Variants in HIVEP3 observed in about 807,000 individuals in gnomAD.
HIVEP3 encodes the protein HIVEP zinc finger 3.
In HIVEP3, 49 loss-of-function variants were observed where a neutral mutation model predicts 152.8. The observed-to-expected ratio is 0.32, with a 90% CI of 0.26 to 0.41. HIVEP3 has a LOEUF of 0.41. Ranked by LOEUF, HIVEP3 falls within the 10% of genes least tolerant of loss-of-function variation. The pLI is 1.00. For synonymous variants in HIVEP3, 1,269 were observed against 1,289.0 expected, an observed-to-expected ratio of 0.98 and a Z score of 0.33; for missense variants, 2,790 against 3,103.3, an observed-to-expected ratio of 0.90 and a Z score of 2.40.
chr1:41,547,337 C>A lies in HIVEP3; in HGVS notation c.5208-22427G>T, dbSNP rs373828271. On this transcript the variant is annotated intron_variant, in intron 5 of 8. Transcript: ENST00000372583. ...AAAAGTCAAGCTAAGGGAAAATAAT[C>A]AGTCGGTCTTGGGGTTTGGAAGGAT... 1.2e-4 allele frequency among the ~76,000 whole-genome samples: 18 copies of A among 152,258 alleles called. No individual in the cohort carries two copies. The East Asian group carries it at 3.1e-3, about 26-fold the overall frequency.
At chr1:41,851,501 C>T (rs1643599816) in intron 1 of HIVEP3, among the ~76,000 whole-genome samples, 1 of 151,904 alleles carries the variant, frequency 6.6e-6, no homozygotes, top group African/African-American at 2.4e-5. Context: ...CAAGGTTTCA[C>T]CATGTTAGCC....
chr1:41,884,075 C>T (rs754116047), intron 1 of HIVEP3, among the ~76,000 whole-genome samples: 7 of 152,152 alleles, frequency 4.6e-5, no homozygotes, highest in Non-Finnish European at 8.8e-5. Flanking sequence ...AGGTGATTCT[C>T]GTGCCTCAGC....
intron 6 of HIVEP3, among the ~76,000 whole-genome samples, chr1:41,524,191 G>T (rs1642837167): frequency 6.6e-6 from 1 of 152,196 alleles, no homozygotes; most frequent in Non-Finnish European, 1.5e-5. Context: ...TGGGGGGCTG[G>T]CCCTGTGCTG....
intron 1 of HIVEP3, among the ~76,000 whole-genome samples, chr1:41,985,328 T>C (rs1645315981): frequency 6.6e-6 from 1 of 152,186 alleles, no homozygotes; most frequent in African/African-American, 2.4e-5. Flanking sequence ...CAGGCTGCTA[T>C]AACAAATTGC....
At chr1:41,526,462 AC>A (rs1248608727) in intron 5 of HIVEP3, among the ~76,000 whole-genome samples, 2 of 87,336 alleles carry the variant, frequency 2.3e-5, no homozygotes, top group African/African-American at 4.7e-5. Flanking sequence ...ACATGCTCAC[AC>A]CCCCACACTC....
intron 3 of HIVEP3, among the ~76,000 whole-genome samples, chr1:41,601,003 T>C (rs1042510198): frequency 2.0e-5 from 3 of 152,184 alleles, no homozygotes; most frequent in Non-Finnish European, 4.4e-5. Flanking sequence ...GCACCATTTA[T>C]TGAAGAGACT....
intron 5 of HIVEP3, chr1:41,535,844 A>G (rs1643385138): frequency 6.6e-6 from 1 of 151,382 alleles, no homozygotes; most frequent in Non-Finnish European, 1.5e-5. Flanking sequence ...CAAGGACTGG[A>G]CCCCAGATCT....
rs75551229 is a variant in HIVEP3 at position 41,849,712 on chromosome 1, T to C, written c.-801+68701A>G. On this transcript the variant is annotated intron_variant, in intron 1 of 8. Transcript: ENST00000372583. ...GACCCAAATCTTTTTTTTTTTTTTT[T>C]CCAAGTCTTGCCCTGTCGCCCAGGC... Among the ~76,000 whole-genome samples the C allele has an allele frequency of 4.6e-5, 7 of 150,560 alleles. No homozygotes were observed. The East Asian group carries it at 5.8e-4, about 12-fold the overall frequency.
At chr1:41,818,803 C>T (rs1642496013) in intron 1 of HIVEP3, among the ~76,000 whole-genome samples, 1 of 152,190 alleles carries the variant, frequency 6.6e-6, no homozygotes, top group South Asian at 2.1e-4. Context: ...CAACCTCTGC[C>T]CCTTCTTCAT....
At chr1:41,611,877 C>T (rs765705496) in intron 3 of HIVEP3, among the ~76,000 whole-genome samples, 1 of 152,190 alleles carries the variant, frequency 6.6e-6, no homozygotes, top group African/African-American at 2.4e-5. Flanking sequence ...CTGGGAACTC[C>T]GGTTGCCTGA....
intron 1 of HIVEP3, among the ~76,000 whole-genome samples, chr1:41,872,936 T>C (rs1004071633): frequency 2.0e-5 from 3 of 152,248 alleles, no homozygotes; most frequent in African/African-American, 7.2e-5. Flanking sequence ...CTGGGTCATA[T>C]GCTGTGCATG....
intron 2 of HIVEP3, among the ~76,000 whole-genome samples, chr1:41,639,446 C>T (rs1033775383): frequency 6.6e-6 from 1 of 152,186 alleles, no homozygotes; most frequent in Non-Finnish European, 1.5e-5. Context: ...AAGACTCTCA[C>T]CCCCTCCCTG....
chr1:41,650,817 G>A (rs1204488699), intron 2 of HIVEP3, among the ~76,000 whole-genome samples: 2 of 152,094 alleles, frequency 1.3e-5, no homozygotes, highest in East Asian at 1.9e-4. Context: ...AATACATTCT[G>A]AATATCCTCC....
chr1:41,884,180 G>A (rs1199235960), intron 1 of HIVEP3, among the ~76,000 whole-genome samples: 4 of 152,126 alleles, frequency 2.6e-5, no homozygotes, highest in Admixed American at 1.3e-4. Flanking sequence ...TGGCCAGGCT[G>A]GTCTCGAACA....
intron 1 of HIVEP3, among the ~76,000 whole-genome samples, chr1:41,901,926 T>G (rs1434523516): frequency 1.3e-5 from 2 of 152,234 alleles, no homozygotes; most frequent in African/African-American, 4.8e-5. Flanking sequence ...TTGTCTGCTC[T>G]ATTCACAGCT....
chr1:41,549,050 G>T (rs1643868440), intron 5 of HIVEP3, among the ~76,000 whole-genome samples: 1 of 151,248 alleles, frequency 6.6e-6, no homozygotes, highest in South Asian at 2.1e-4. Context: ...ACAGGCCCCG[G>T]GGTGTGATGT....
chr1:41,619,106 C>T (rs1645009744), intron 3 of HIVEP3, among the ~76,000 whole-genome samples: 1 of 152,156 alleles, frequency 6.6e-6, no homozygotes, highest in Non-Finnish European at 1.5e-5. Flanking sequence ...TTGTGCCTGC[C>T]TCTCCCTTCC....
chr1:41,690,033 C>A (rs1164209789), intron 2 of HIVEP3, among the ~76,000 whole-genome samples: 1 of 152,230 alleles, frequency 6.6e-6, no homozygotes, highest in East Asian at 1.9e-4. Context: ...AGTCTCAGAT[C>A]TTAGATATTT....
chr1:42,024,275 C>A (rs1035766902), intron 1 of HIVEP3, among the ~76,000 whole-genome samples: 2 of 152,102 alleles, frequency 1.3e-5, no homozygotes, highest in Non-Finnish European at 2.9e-5. Context: ...AATTTTTTAT[C>A]CCTAATAATG....
Sources: allele counts gnomAD v4.1 joint callset (sites outside exome capture counted in the v4.1 genomes callset), GRCh38; gene constraint gnomAD v4.1.1; transcripts MANE v1.5; gene names NCBI Gene and HGNC (gene_info 2026-07-23, HGNC 2026-07-21).